STAT5B: variants seen among roughly 807,000 people sequenced by gnomAD.
STAT5B encodes transcription factor STAT5B.
STAT5B carries 21 observed loss-of-function variants against 107.8 expected under a neutral mutation model. That is an observed-to-expected ratio of 0.19 (90% CI 0.14 to 0.28). STAT5B has a LOEUF of 0.28. Ranked by LOEUF, STAT5B falls within the 10% of genes least tolerant of loss-of-function variation. The pLI is 1.00. For synonymous variants in STAT5B, 325 were observed against 401.7 expected (o/e 0.81, Z 2.28); for missense variants, 565 against 1,008.2 (o/e 0.56, Z 5.95).
rs1413446660 is a variant in STAT5B at position 42,227,655 on chromosome 17, C to T, written c.159G>A (p.Glu53=). The change falls in exon 3 of 19, where the codon GAG becomes GAA. Residue 53 remains glutamate, a synonymous_variant. Coordinates refer to ENST00000293328, the MANE Select transcript of STAT5B (RefSeq NM_012448.4). ...WDSVDLDNPQ[E]NIKATQLLEG... is the part of the protein sequence containing the mutation. ...CCAGGAGCTGGGTGGCCTTAATGTT[C>T]TCCTGTGGATTATCAAGATCTACTG... 1.2e-6 allele frequency: 2 copies of T among 1,614,102 alleles called. No individual in the cohort carries two copies. The highest frequency in any genetic ancestry group is 1.7e-5 in the Admixed American group (1 of 60,022).
At chr17:42,286,454 C>T in the STAT5B span, among the ~76,000 whole-genome samples, 1 of 152,076 alleles carries the variant, frequency 6.6e-6, no homozygotes, top group African/African-American at 2.4e-5. Context: ...TCAATGCTAG[C>T]TTTTTAGGAC....
At chr17:42,277,906 C>A (rs2080777737), upstream of STAT5B, among the ~76,000 whole-genome samples, 1 of 151,936 alleles carries the variant, frequency 6.6e-6, no homozygotes. Flanking sequence ...CAGGCGCACA[C>A]CACCACATCC....
chr17:42,262,739 A>AGT (rs1463864920), intron 1 of STAT5B, among the ~76,000 whole-genome samples: 4 of 110,796 alleles, frequency 3.6e-5, no homozygotes, highest in Admixed American at 8.1e-5. Context: ...AACTTAGCAG[A>AGT]GTGTGTATAT....
chr17:42,243,899 T>TA (rs1396954599), intron 1 of STAT5B, among the ~76,000 whole-genome samples: 7 of 100,076 alleles, frequency 7.0e-5, no homozygotes, highest in African/African-American at 3.6e-4. Context: ...TATCTCCATG[T>TA]CCAAATCCAT....
At chr17:42,268,434 C>T (rs1384246224) in intron 1 of STAT5B, among the ~76,000 whole-genome samples, 5 of 152,094 alleles carry the variant, frequency 3.3e-5, no homozygotes, top group Non-Finnish European at 5.9e-5. Flanking sequence ...GATGGTACCA[C>T]AATGACAAAA....
At chr17:42,202,867 C>T (rs1192772479) in intron 16 of STAT5B, 59 bp from the exon 17 acceptor site, 42 of 1,593,156 alleles carry the variant, frequency 2.6e-5, no homozygotes, top group Non-Finnish European at 2.3e-5. Flanking sequence ...ATGTGATCTT[C>T]CTTATGAATC....
chr17:42,274,789 C>A (rs948788026), intron 1 of STAT5B: 1 of 152,164 alleles, frequency 6.6e-6, no homozygotes, highest in Non-Finnish European at 1.5e-5. Flanking sequence ...GAGAGAGGCA[C>A]AGTTCTATTA....
At chr17:42,233,615 C>T (rs1197581969) in intron 1 of STAT5B, among the ~76,000 whole-genome samples, 7 of 152,094 alleles carry the variant, frequency 4.6e-5, no homozygotes, top group Admixed American at 1.3e-4. Context: ...CTCAGCCTCC[C>T]GAGTGGCTGG....
chr17:42,214,322 CA>C (rs2080154046), intron 12 of STAT5B: 1 of 985,046 alleles, frequency 1.0e-6, no homozygotes, highest in East Asian at 1.1e-4. Context: ...AGAGATGTGG[CA>C]ATCTTATCTA....
chr17:42,217,548 G>C lies in STAT5B; in HGVS notation c.1170-84C>G, dbSNP rs1334455162. On this transcript the variant is annotated intron_variant, in intron 9 of 18. Transcript: ENST00000293328. Reference sequence around the variant, plus strand: ...TAAATAATATAATTTGGGGTAGCAGGAAATAGAGAAGTTTGCTAAAAATGT... The same window carrying C: ...TAAATAATATAATTTGGGGTAGCAGCAAATAGAGAAGTTTGCTAAAAATGT... 39 of 1,501,468 alleles carry C rather than the reference G, an allele frequency of 2.6e-5. No individual in the cohort carries two copies. The Admixed American group carries it at 6.9e-4, about 26-fold the overall frequency. 93.0% of individuals were successfully genotyped at this position (1,501,468 alleles called of 1,614,324 possible). A position where few individuals can be genotyped will look rare whatever the true frequency, so the allele number is the denominator to read the frequency against.
intron 1 of STAT5B, chr17:42,272,488 TGC>T (rs1410865300): frequency 6.6e-6 from 1 of 152,216 alleles, no homozygotes; most frequent in Non-Finnish European, 1.5e-5. Context: ...CTGTAAATTG[TGC>T]TTTTGTTGCT....
chr17:42,267,197 A>T (rs909138864), intron 1 of STAT5B, among the ~76,000 whole-genome samples: 1 of 152,240 alleles, frequency 6.6e-6, no homozygotes, highest in Non-Finnish European at 1.5e-5. Flanking sequence ...CGTGCAGTAC[A>T]TACTTGATAA....
intron 5 of STAT5B, 94 bp downstream of exon 5, chr17:42,223,288 T>C: frequency 3.1e-6 from 5 of 1,587,890 alleles, no homozygotes; most frequent in Non-Finnish European, 4.3e-6. Context: ...TGCCTCCGAA[T>C]GGAAAGTGTG....
At chr17:42,213,984 A>T (rs1333642861) in intron 12 of STAT5B, among the ~76,000 whole-genome samples, 2 of 151,670 alleles carry the variant, frequency 1.3e-5, no homozygotes, top group South Asian at 2.1e-4. Flanking sequence ...TCTACTAAAA[A>T]TATAAAAAAT....
At chr17:42,263,615 C>G (rs909260208) in intron 1 of STAT5B, among the ~76,000 whole-genome samples, 1 of 152,138 alleles carries the variant, frequency 6.6e-6, no homozygotes, top group African/African-American at 2.4e-5. Context: ...CAGCCTCGAA[C>G]TCCCAGGCTC....
At chr17:42,286,963 G>A in the STAT5B span, among the ~76,000 whole-genome samples, 1 of 152,148 alleles carries the variant, frequency 6.6e-6, no homozygotes, top group Non-Finnish European at 1.5e-5. Flanking sequence ...CTCTGTGTCT[G>A]ACCCTCCCCT....
At chr17:42,217,050 A>T in intron 11 of STAT5B, 110 bp downstream of exon 11, 1 of 1,531,444 alleles carries the variant, frequency 6.5e-7, no homozygotes, top group Non-Finnish European at 8.8e-7. Context: ...CAGTTTACCA[A>T]CAGTCAAAAA....
the STAT5B span, among the ~76,000 whole-genome samples, chr17:42,283,882 C>T: frequency 3.3e-5 from 5 of 152,180 alleles, no homozygotes; most frequent in Non-Finnish European, 7.4e-5. Flanking sequence ...TTCTAGAAGC[C>T]TTCTCCGGTG....
At chr17:42,207,871 G>A in intron 15 of STAT5B, 143 bp from the exon 16 acceptor site, 4 of 835,680 alleles carry the variant, frequency 4.8e-6, no homozygotes, top group Admixed American at 2.7e-5. Context: ...ATGGGTTATA[G>A]ATGAAATACT....
Sources: allele counts gnomAD v4.1 joint callset (sites outside exome capture counted in the v4.1 genomes callset), GRCh38; gene constraint gnomAD v4.1.1; transcripts MANE v1.5; gene names NCBI Gene and HGNC (gene_info 2026-07-23, HGNC 2026-07-21).